CLEC16A: variants seen among roughly 807,000 people sequenced by gnomAD.
CLEC16A encodes protein CLEC16A.
A neutral mutation model predicts 109.5 loss-of-function variants in CLEC16A; 51 were observed. The ratio of observed to expected loss-of-function variants is 0.47; its 90% CI spans 0.37 to 0.59. CLEC16A has a LOEUF of 0.59. Ranked by LOEUF, CLEC16A falls within the 20% of genes least tolerant of loss-of-function variation. CLEC16A has a pLI of 0.00. For synonymous variants in CLEC16A, 673 were observed against 564.2 expected, an observed-to-expected ratio of 1.19 and a Z score of -2.73; for missense variants, 1,339 against 1,394.0, an observed-to-expected ratio of 0.96 and a Z score of 0.63.
Position 10,964,194 on chromosome 16 carries a change from C to T in CLEC16A, c.343+1606C>T, listed in dbSNP as rs1438011513. On this transcript the variant is annotated intron_variant, in intron 3 of 23. Coordinates refer to ENST00000409790, the MANE Select transcript of CLEC16A (RefSeq NM_015226.3). The stretch of plus-strand genomic sequence containing the variant: ...GCTGAGTGATGGCTCTCGCAGCCGC[C>T]GCTAGGTGGTGCTGCTGCCTCAGAG... 3.3e-5 allele frequency among the ~76,000 whole-genome samples: 5 copies of T among 152,168 alleles called. No homozygotes were observed. In the South Asian group the frequency reaches 1.0e-3, roughly 32 times the overall value.
chr16:11,154,095 C>T (rs573663532), intron 22 of CLEC16A, among the ~76,000 whole-genome samples: 3 of 152,346 alleles, frequency 2.0e-5, no homozygotes, highest in East Asian at 1.9e-4. Context: ...CACTCCTGCA[C>T]ACACATGCGC....
chr16:11,068,234 A>G (rs1056931266), intron 19 of CLEC16A, among the ~76,000 whole-genome samples: 3 of 152,358 alleles, frequency 2.0e-5, no homozygotes, highest in Non-Finnish European at 4.4e-5. Context: ...ATTGTAAGGC[A>G]GAACAATAAG....
chr16:11,065,253 G>A (rs1393639124), intron 19 of CLEC16A, among the ~76,000 whole-genome samples: 1 of 152,124 alleles, frequency 6.6e-6, no homozygotes, highest in Non-Finnish European at 1.5e-5. Context: ...AACCACAATA[G>A]GGGAGAAATC....
intron 1 of CLEC16A, among the ~76,000 whole-genome samples, chr16:10,956,454 C>T (rs758484577): frequency 6.6e-6 from 1 of 152,122 alleles, no homozygotes; most frequent in Non-Finnish European, 1.5e-5. Flanking sequence ...CTGAAGTTAG[C>T]CATAAAAGAA....
intron 12 of CLEC16A, among the ~76,000 whole-genome samples, chr16:11,022,905 AT>A (rs1567208073): frequency 8.9e-4 from 40 of 44,792 alleles, no homozygotes; most frequent in South Asian, 3.8e-3. Flanking sequence ...TCTCAAAAAT[AT>A]ATATATATAT....
intron 23 of CLEC16A, among the ~76,000 whole-genome samples, chr16:11,172,159 C>T (rs1486986080): frequency 6.6e-6 from 1 of 152,198 alleles, no homozygotes; most frequent in Non-Finnish European, 1.5e-5. Context: ...CACATGCTCA[C>T]ACAGTCACAC....
chr16:11,112,345 G>A (rs1368913951), intron 19 of CLEC16A, among the ~76,000 whole-genome samples: 4 of 152,068 alleles, frequency 2.6e-5, no homozygotes, highest in Admixed American at 2.6e-4. Flanking sequence ...GAAAGTGGTT[G>A]ATAAGTTTAA....
At chr16:11,068,417 C>T (rs922258499) in intron 19 of CLEC16A, among the ~76,000 whole-genome samples, 13 of 152,184 alleles carry the variant, frequency 8.5e-5, no homozygotes, top group African/African-American at 3.1e-4. Context: ...GACAGTCTGT[C>T]CACGCAGAGC....
intron 8 of CLEC16A, among the ~76,000 whole-genome samples, chr16:10,978,827 C>G (rs1035128955): frequency 2.0e-4 from 31 of 152,174 alleles, no homozygotes; most frequent in African/African-American, 6.8e-4. Flanking sequence ...AACCTGAGCC[C>G]GTTTCTTCGG....
At chr16:10,962,716 G>A in intron 3 of CLEC16A, 128 bp downstream of exon 3, 2 of 1,001,642 alleles carry the variant, frequency 2.0e-6, no homozygotes, top group Non-Finnish European at 3.0e-6. Context: ...ACCATAGACT[G>A]AGTGGGTTAA....
At chr16:11,124,121 G>C (rs895074145) in intron 21 of CLEC16A, among the ~76,000 whole-genome samples, 175 bp downstream of exon 21, 2 of 152,232 alleles carry the variant, frequency 1.3e-5, no homozygotes, top group Admixed American at 6.5e-5. Context: ...TTGGTTTCTG[G>C]TGAGTTTCTA....
chr16:10,944,622 G>A lies in CLEC16A; in HGVS notation c.-96G>A. 1 of 1,216,284 alleles carries A rather than the reference G, an allele frequency of 8.2e-7. No homozygotes were observed. The highest frequency in any genetic ancestry group is 1.2e-6 in the Non-Finnish European group (1 of 864,284). The allele number at this position is 1,216,284 out of a possible 1,614,324, so 75.3% of individuals were successfully genotyped here. A position where few individuals can be genotyped will look rare whatever the true frequency, so the allele number is the denominator to read the frequency against. On this transcript the variant is annotated 5_prime_UTR_variant, in exon 1 of 24. Coordinates refer to ENST00000409790, the MANE Select transcript of CLEC16A (RefSeq NM_015226.3). ...TCGCGGTTCCTCCACCGCCTCCGCC[G>A]CCGCATCCTCCGCTTGTGCTACCGC...
In CLEC16A at chr16:11,012,594, C is replaced by CAAAA. The variant is rs551902895; in HGVS notation, c.1304-7575_1304-7572dup. ...TGGGCGATAGAGTGAGACTCCGTCT[C>CAAAA]AAAAAAAAAAAAAAAAAAAAAAAAA... On this transcript the variant is annotated intron_variant, in intron 11 of 23. Coordinates refer to ENST00000409790, the MANE Select transcript of CLEC16A (RefSeq NM_015226.3). 1.1e-3 allele frequency among the ~76,000 whole-genome samples: 77 copies of CAAAA among 67,932 alleles called. 4 individuals carry two copies. Among genetic ancestry groups the CAAAA allele is most frequent in the African/African-American group, 2.9e-3 (64 of 22,318 alleles). The allele number at this position is 67,932 out of a possible 152,430, so 44.6% of individuals were successfully genotyped here. A position where few individuals can be genotyped will look rare whatever the true frequency, so the allele number is the denominator to read the frequency against.
intron 19 of CLEC16A, among the ~76,000 whole-genome samples, chr16:11,098,615 G>T (rs890113236): frequency 2.0e-5 from 3 of 152,214 alleles, no homozygotes; most frequent in Non-Finnish European, 2.9e-5. Context: ...CTGAGAACCA[G>T]CCTGGTGGGG....
chr16:11,060,768 A>T lies in CLEC16A; in HGVS notation c.1996-134A>T, dbSNP rs2048437339. The stretch of plus-strand genomic sequence containing the variant: ...TAAAAGCACGTACCAGAATCAAAAC[A>T]CCCGAAGAGGTGGGCTTTATTGCGT... On this transcript the variant is annotated intron_variant, in intron 18 of 23. Transcript: ENST00000409790. 5 of 919,380 alleles carry T rather than the reference A, an allele frequency of 5.4e-6. No homozygotes were observed. In the South Asian group the frequency reaches 1.2e-4, roughly 22 times the overall value. 57.0% of individuals were successfully genotyped at this position (919,380 alleles called of 1,614,324 possible).
chr16:10,985,218 A>ATATAT (rs58768192), intron 10 of CLEC16A, among the ~76,000 whole-genome samples: 7,432 of 120,786 alleles, frequency 0.062, 200 homozygotes, highest in South Asian at 0.13. Flanking sequence ...AAAAAAAAAA[A>ATATAT]AAATATATAT....
chr16:11,102,603 C>T (rs942768070), intron 19 of CLEC16A, among the ~76,000 whole-genome samples: 8 of 152,332 alleles, frequency 5.3e-5, no homozygotes, highest in Admixed American at 4.6e-4. Context: ...TTAGTCCCAA[C>T]CGCTTCATTT....
intron 22 of CLEC16A, among the ~76,000 whole-genome samples, chr16:11,164,327 T>C (rs1169264325): frequency 1.3e-5 from 2 of 152,050 alleles, no homozygotes; most frequent in East Asian, 3.8e-4. Context: ...CAACTGGGGG[T>C]ATAAATAGGG....
chr16:11,112,861 C>T (rs2051694089), intron 19 of CLEC16A, among the ~76,000 whole-genome samples: 1 of 152,182 alleles, frequency 6.6e-6, no homozygotes, highest in Admixed American at 6.5e-5. Flanking sequence ...TACCTTTTGC[C>T]TGTGGGGCCT....
Sources: gnomAD v4.1 joint callset for allele counts (sites outside exome capture counted in the v4.1 genomes callset) on GRCh38, gnomAD v4.1.1 for gene constraint, MANE v1.5 for transcripts, NCBI Gene and HGNC (gene_info 2026-07-23, HGNC 2026-07-21) for gene names.